RABGAP1L: variants seen among roughly 807,000 people sequenced by gnomAD.
The protein encoded by RABGAP1L is RAB GTPase activating protein 1 like, also known as rab GTPase-activating protein 1-like.
RABGAP1L carries 63 observed loss-of-function variants against 137.7 expected under a neutral mutation model. The ratio of observed to expected loss-of-function variants is 0.46; its 90% CI spans 0.37 to 0.56. RABGAP1L has a LOEUF of 0.56. Among genes scored for constraint, RABGAP1L ranks in the 20% least tolerant of loss-of-function variants. The pLI, the probability that RABGAP1L is intolerant of heterozygous loss-of-function variation, is 0.00. For missense variants in RABGAP1L, 1,095 were observed against 1,244.0 expected, an observed-to-expected ratio of 0.88 and a Z score of 1.80; for synonymous variants, 431 against 433.7, an observed-to-expected ratio of 0.99 and a Z score of 0.08.
At chr1:174,654,449 C>T (rs1279604420) in intron 14 of RABGAP1L, among the ~76,000 whole-genome samples, 1 of 152,108 alleles carries the variant, frequency 6.6e-6, no homozygotes, top group African/African-American at 2.4e-5. Flanking sequence ...TTCATAAAAA[C>T]TTTTCAGGCT....
chr1:174,481,855 C>G lies in RABGAP1L; in HGVS notation c.1710+87710C>G, dbSNP rs993845745. On this transcript the variant is annotated intron_variant, in intron 13 of 25. Transcript: ENST00000681986. ...TAACCTGCACAATGTGCACATGTAC[C>G]CTAAAACTTAAAGTATAATAAAAAA... Among the ~76,000 whole-genome samples, 11 of 145,856 alleles carry G rather than the reference C, an allele frequency of 7.5e-5. No homozygotes were observed. The East Asian group carries it at 1.6e-3, about 21-fold the overall frequency.
chr1:174,486,991 G>A (rs922271479), intron 13 of RABGAP1L, among the ~76,000 whole-genome samples: 6 of 152,002 alleles, frequency 3.9e-5, no homozygotes, highest in African/African-American at 1.5e-4. Flanking sequence ...TTAGACACTT[G>A]ATATTTTTTC....
At chr1:174,792,006 C>T (rs892549984) in intron 18 of RABGAP1L, among the ~76,000 whole-genome samples, 9 of 152,182 alleles carry the variant, frequency 5.9e-5, no homozygotes, top group Non-Finnish European at 1.0e-4. Flanking sequence ...GAAGCATAAT[C>T]TTTCTAATAA....
chr1:174,360,403 T>C (rs1211644331), intron 11 of RABGAP1L, among the ~76,000 whole-genome samples: 1 of 152,214 alleles, frequency 6.6e-6, no homozygotes, highest in Non-Finnish European at 1.5e-5. Flanking sequence ...TTGCTATTAA[T>C]AGTTTGGCAT....
At chr1:174,680,100 G>GA in intron 14 of RABGAP1L, among the ~76,000 whole-genome samples, 1 of 152,284 alleles carries the variant, frequency 6.6e-6, no homozygotes, top group African/African-American at 2.4e-5. Context: ...CTTGCTCTTT[G>GA]AAAAACAGCA....
At chr1:174,955,110 G>A (rs1668328958) in intron 19 of RABGAP1L, among the ~76,000 whole-genome samples, 1 of 152,188 alleles carries the variant, frequency 6.6e-6, no homozygotes, top group South Asian at 2.1e-4. Context: ...TTGCACTCTA[G>A]TTGGTCACAG....
chr1:174,433,692 G>A (rs1652909912), intron 13 of RABGAP1L, among the ~76,000 whole-genome samples: 1 of 152,070 alleles, frequency 6.6e-6, no homozygotes, highest in South Asian at 2.1e-4. Context: ...GTGCAGGCTG[G>A]ATATACTTAC....
In RABGAP1L at chr1:174,389,899, G is replaced by A. The variant is rs1426640116; in HGVS notation, c.1560-4096G>A. Among the ~76,000 whole-genome samples, 6 of 152,012 alleles carry A rather than the reference G, an allele frequency of 3.9e-5. No individual in the cohort carries two copies. In the East Asian group the frequency reaches 9.6e-4, roughly 24 times the overall value. On this transcript the variant is annotated intron_variant, in intron 12 of 25. Coordinates refer to ENST00000681986, the MANE Select transcript of RABGAP1L (RefSeq NM_001366446.1). Reference sequence around the variant, plus strand: ...TTAAAAATAATTGTATTAGGTATCCGTCTTGTTTCTAGGGTAGAGTTCAGC... The same window carrying A: ...TTAAAAATAATTGTATTAGGTATCCATCTTGTTTCTAGGGTAGAGTTCAGC...
intron 13 of RABGAP1L, among the ~76,000 whole-genome samples, chr1:174,608,552 A>T (rs1670954697): frequency 6.6e-6 from 1 of 152,332 alleles, no homozygotes; most frequent in East Asian, 1.9e-4. Context: ...TAGATGAGCA[A>T]GATTTCAGTA....
intron 13 of RABGAP1L, among the ~76,000 whole-genome samples, chr1:174,546,488 CA>C (rs1666019454): frequency 6.6e-6 from 1 of 152,148 alleles, no homozygotes; most frequent in Non-Finnish European, 1.5e-5. Context: ...ATTTGTTGTT[CA>C]TATATTTTAG....
chr1:174,505,019 G>T (rs1186877655), intron 13 of RABGAP1L, among the ~76,000 whole-genome samples: 1 of 152,056 alleles, frequency 6.6e-6, no homozygotes, highest in Non-Finnish European at 1.5e-5. Context: ...TCAATTGTAA[G>T]AAAACAACCT....
intron 1 of RABGAP1L, among the ~76,000 whole-genome samples, chr1:174,196,415 G>T (rs79251555): frequency 6.6e-6 from 1 of 151,552 alleles, no homozygotes; most frequent in Non-Finnish European, 1.5e-5. Flanking sequence ...TGGTAGAGAC[G>T]GGGTTTCGCT....
intron 19 of RABGAP1L, among the ~76,000 whole-genome samples, chr1:174,924,934 T>G (rs960735420): frequency 6.6e-5 from 10 of 152,172 alleles, no homozygotes; most frequent in Non-Finnish European, 1.2e-4. Flanking sequence ...AGATCAGTAG[T>G]GCTGGAAGAG....
At chr1:174,937,577 C>T (rs12065854) in intron 19 of RABGAP1L, among the ~76,000 whole-genome samples, 18,201 of 133,596 alleles carry the variant, frequency 0.14, 1,230 homozygotes, top group Middle Eastern at 0.23. Flanking sequence ...TGAGCCACCG[C>T]ATCCAGCCCA....
intron 14 of RABGAP1L, among the ~76,000 whole-genome samples, chr1:174,663,576 G>A (rs974376994): frequency 1.2e-4 from 19 of 152,288 alleles, no homozygotes; most frequent in Non-Finnish European, 2.5e-4. Context: ...GAAGGGGAAT[G>A]CCTGTGCATA....
intron 17 of RABGAP1L, among the ~76,000 whole-genome samples, chr1:174,725,574 T>C (rs1051146242): frequency 6.6e-6 from 1 of 152,228 alleles, no homozygotes; most frequent in Non-Finnish European, 1.5e-5. Flanking sequence ...ATTTTCATTT[T>C]TAATCTTTCA....
At position 174,393,995 on chromosome 1, in the gene RABGAP1L, G is replaced by C. The variant is rs1186969137; in HGVS notation, c.1560G>C (p.Trp520Cys). ...ATGGATTATTTTCTTGTCTTCTCAG[G>C]CACAGTAACCTTGGTGCACGACCGA... ...LYSWGELLGK[W>C]HSNLGARPKG... The change falls in exon 13 of 26, where the codon TGG (tryptophan) becomes TGC (cysteine). Residue 520 changes from tryptophan (W) to cysteine (C), a missense_variant and splice_region_variant. Around this residue, in one of 4 missense-constraint regions of RABGAP1L, gnomAD observed 315 missense variants for 324.8 expected, o/e 0.97. Coordinates refer to ENST00000681986, the MANE Select transcript of RABGAP1L (RefSeq NM_001366446.1). 1 of 1,611,048 alleles carries C rather than the reference G, an allele frequency of 6.2e-7. No individual in the cohort carries two copies. Among genetic ancestry groups the C allele is most frequent in the East Asian group, 2.2e-5 (1 of 44,850 alleles).
intron 1 of RABGAP1L, among the ~76,000 whole-genome samples, chr1:174,173,837 G>T (rs1248160091): frequency 1.3e-5 from 2 of 152,044 alleles, no homozygotes; most frequent in Non-Finnish European, 2.9e-5. Flanking sequence ...TTCAAGTAAG[G>T]CTGTCTGGAA....
intron 3 of RABGAP1L, among the ~76,000 whole-genome samples, chr1:174,223,335 C>T (rs1669914149): frequency 7.4e-6 from 1 of 134,544 alleles, no homozygotes; most frequent in African/African-American, 2.8e-5. Context: ...TCCAGCTGCT[C>T]AGGAGGCTGA....
Sources: allele counts gnomAD v4.1 joint callset (sites outside exome capture counted in the v4.1 genomes callset), GRCh38; gene constraint gnomAD v4.1.1; regional missense constraint gnomAD v4.1.1; transcripts MANE v1.5; gene names NCBI Gene and HGNC (gene_info 2026-07-23, HGNC 2026-07-21).